The following SAP30BP variants were observed in gnomAD, a reference collection of about 807,000 sequenced individuals.
SAP30BP encodes the protein SAP30-binding protein.
Under a neutral mutation model 46.3 loss-of-function variants are expected in SAP30BP, and 31 were observed. The observed-to-expected ratio is 0.67, with a 90% CI of 0.50 to 0.90. The LOEUF (loss-of-function observed/expected upper bound fraction) is 0.90, where lower values mean the gene tolerates loss of function less well. Among genes scored for constraint, SAP30BP ranks in the 40% least tolerant of loss-of-function variants. The pLI is 0.00. For missense variants in SAP30BP, 312 were observed against 391.0 expected, an observed-to-expected ratio of 0.80 and a Z score of 1.70; for synonymous variants, 169 against 144.2, an observed-to-expected ratio of 1.17 and a Z score of -1.23.
At chr17:75,688,727 G>T (rs940887052) in intron 3 of SAP30BP, among the ~76,000 whole-genome samples, 1 of 152,108 alleles carries the variant, frequency 6.6e-6, no homozygotes, top group Non-Finnish European at 1.5e-5. Context: ...GTCCAGTTTC[G>T]TGGGTCTATA....
intron 5 of SAP30BP, among the ~76,000 whole-genome samples, chr17:75,701,479 A>G (rs573965378): frequency 6.6e-6 from 1 of 152,328 alleles, no homozygotes; most frequent in South Asian, 2.1e-4. Context: ...CACTGGCCAC[A>G]GTAGGTAAGC....
Position 75,667,359 on chromosome 17 carries a change from G to A in SAP30BP, c.-14G>A, listed in dbSNP as rs2059804246. On this transcript the variant is annotated 5_prime_UTR_variant, in exon 1 of 11. Coordinates refer to ENST00000584667, the MANE Select transcript of SAP30BP (RefSeq NM_013260.8). ...AGTCATAGGAGTGAGCCACGCCCGG[G>A]CTGTGGGAATAAGATGGCGGGGAAG... 6.2e-7 allele frequency: 1 copy of A among 1,613,918 alleles called. No homozygotes were observed. Among genetic ancestry groups the A allele is most frequent in the Non-Finnish European group, 8.5e-7 (1 of 1,179,792 alleles).
intron 5 of SAP30BP, among the ~76,000 whole-genome samples, chr17:75,701,384 T>C (rs930586583): frequency 2.0e-5 from 3 of 152,166 alleles, no homozygotes; most frequent in African/African-American, 7.2e-5. Context: ...GCCCTCTTCA[T>C]TGGCACTGGG....
intron 5 of SAP30BP, chr17:75,700,381 A>C (rs2060389717): frequency 6.6e-6 from 1 of 152,374 alleles, no homozygotes; most frequent in Admixed American, 6.5e-5. Context: ...CAAGGAGTCG[A>C]GGCTTTTGTG....
chr17:75,705,268 G>A, intron 9 of SAP30BP: 1 of 183,512 alleles, frequency 5.4e-6, no homozygotes, highest in Non-Finnish European at 1.2e-5. Flanking sequence ...CCCTGGCAGT[G>A]TGGTCTGGGT....
chr17:75,703,588 G>T lies in SAP30BP; in HGVS notation c.549+217G>T, dbSNP rs2060448307. ...TGGTGCCTGGCCCCTGACTGGTGGG[G>T]ACATGTGTGGACCTGCTGCTCCTGG... is the stretch of plus-strand genomic sequence containing the variant. On this transcript the variant is annotated intron_variant, in intron 7 of 10. Transcript: ENST00000584667. 10 of 634,132 alleles carry T rather than the reference G, an allele frequency of 1.6e-5. No individual in the cohort carries two copies. In the South Asian group the frequency reaches 1.9e-4, roughly 12 times the overall value. The allele number at this position is 634,132 out of a possible 1,614,324, so 39.3% of individuals were successfully genotyped here. A position where few individuals can be genotyped will look rare whatever the true frequency, so the allele number is the denominator to read the frequency against.
chr17:75,674,376 C>T (rs949095713), intron 3 of SAP30BP, among the ~76,000 whole-genome samples: 2 of 152,036 alleles, frequency 1.3e-5, no homozygotes, highest in African/African-American at 2.4e-5. Flanking sequence ...CTCAGTGCAA[C>T]CTCCGCCTCC....
chr17:75,704,516 A>G (rs1393066175), intron 8 of SAP30BP, among the ~76,000 whole-genome samples: 1 of 152,198 alleles, frequency 6.6e-6, no homozygotes, highest in African/African-American at 2.4e-5. Context: ...GTGGCAGTCC[A>G]CAGGAGCTCA....
chr17:75,690,849 T>C, intron 3 of SAP30BP: 1 of 435,068 alleles, frequency 2.3e-6, no homozygotes. Context: ...ATGACACCAA[T>C]GGGAATCTGA....
chr17:75,700,080 G>A (rs575754028), intron 5 of SAP30BP: 64 of 400,918 alleles, frequency 1.6e-4, no homozygotes, highest in African/African-American at 1.2e-3. Flanking sequence ...GCCATGTCCC[G>A]TGGTGCTGCT....
At chr17:75,685,840 A>T (rs2898569) in intron 3 of SAP30BP, among the ~76,000 whole-genome samples, 7,248 of 152,204 alleles carry the variant, frequency 0.048, 738 homozygotes, top group East Asian at 0.38. Context: ...CTGGACCTAG[A>T]TACACCCGTT....
chr17:75,687,135 A>G (rs2060168396), intron 3 of SAP30BP, among the ~76,000 whole-genome samples: 2 of 152,236 alleles, frequency 1.3e-5, no homozygotes, highest in Non-Finnish European at 2.9e-5. Context: ...TTCTTAATTG[A>G]AGAGCTTAGC....
intron 3 of SAP30BP, among the ~76,000 whole-genome samples, chr17:75,678,390 T>C (rs2060024010): frequency 6.6e-6 from 1 of 152,056 alleles, no homozygotes; most frequent in African/African-American, 2.4e-5. Context: ...GTGTAACTAG[T>C]TGTTAGACTG....
chr17:75,704,188 T>C (rs1184560444), intron 8 of SAP30BP, among the ~76,000 whole-genome samples: 1 of 152,170 alleles, frequency 6.6e-6, no homozygotes, highest in Non-Finnish European at 1.5e-5. Context: ...AAAACTGTGT[T>C]CAAGCTGAGG....
intron 3 of SAP30BP, among the ~76,000 whole-genome samples, chr17:75,688,791 T>C (rs2060199664): frequency 6.6e-6 from 1 of 152,208 alleles, no homozygotes; most frequent in Non-Finnish European, 1.5e-5. Context: ...GCTGGACTTT[T>C]GTATTCTCTG....
At position 75,707,774 on chromosome 17, in the gene SAP30BP, A is replaced by T. The variant is rs544454793; in HGVS notation, c.*1253A>T. 9.2e-5 allele frequency: 14 copies of T among 152,310 alleles called. No individual in the cohort carries two copies. Among genetic ancestry groups the T allele is most frequent in the Admixed American group, 7.2e-4 (11 of 15,294 alleles). The allele number at this position is 152,310 out of a possible 1,614,324, so 9.4% of individuals were successfully genotyped here. ...GAGCTGCTCCCCACTCATGCCCCAG[A>T]GGGACTGTGAAAAGGCTTCCTGTGA... On this transcript the variant is annotated 3_prime_UTR_variant, in exon 11 of 11. Transcript: ENST00000584667.
chr17:75,697,912 C>T (rs560976301), intron 4 of SAP30BP, among the ~76,000 whole-genome samples: 87 of 152,192 alleles, frequency 5.7e-4, no homozygotes, highest in Non-Finnish European at 1.1e-3. Context: ...GCGAAGCCAG[C>T]CGGGCAGCTC....
Position 75,705,943 on chromosome 17 carries a change from G to A in SAP30BP, c.661-65G>A, listed in dbSNP as rs1163967392. 1.3e-5 allele frequency: 21 copies of A among 1,600,610 alleles called. No individual in the cohort carries two copies. The East Asian group carries it at 1.6e-4, about 12-fold the overall frequency. The stretch of plus-strand genomic sequence containing the variant: ...AAGCTCCTGTCCCCCAGGAGCTGAC[G>A]GATGGCAAAAAGCTGTGGACACCCA... On this transcript the variant is annotated intron_variant, in intron 9 of 10. Coordinates refer to ENST00000584667, the MANE Select transcript of SAP30BP (RefSeq NM_013260.8).
rs139510164 is a variant in SAP30BP at position 75,683,050 on chromosome 17, A to ATTT, written c.265-10389_265-10387dup. Among the ~76,000 whole-genome samples, 557 of 137,452 alleles carry ATTT rather than the reference A, an allele frequency of 4.1e-3. 23 individuals carry two copies. The East Asian group carries it at 0.058, about 14-fold the overall frequency. The allele number at this position is 137,452 out of a possible 152,430, so 90.2% of individuals were successfully genotyped here. The stretch of plus-strand genomic sequence containing the variant: ...AAAAATTTATTTTATTTATTTATTT[A>ATTT]TTTATTTTTTTTGAGACAGAGTCTC... On this transcript the variant is annotated intron_variant, in intron 3 of 10. Transcript: ENST00000584667.
Sources: gnomAD v4.1 joint callset for allele counts (sites outside exome capture counted in the v4.1 genomes callset) on GRCh38, gnomAD v4.1.1 for gene constraint, MANE v1.5 for transcripts, NCBI Gene and HGNC (gene_info 2026-07-23, HGNC 2026-07-21) for gene names.